The following RBM39 variants were observed in gnomAD, a reference collection of about 807,000 sequenced individuals.
The protein encoded by RBM39 is RNA binding motif protein 39, also known as RNA-binding protein 39.
Under a neutral mutation model 79.6 loss-of-function variants are expected in RBM39, and 12 were observed. The ratio of observed to expected loss-of-function variants is 0.15; its 90% CI spans 0.10 to 0.24. The LOEUF (loss-of-function observed/expected upper bound fraction) is 0.24, where lower values mean the gene tolerates loss of function less well. Ranked by LOEUF, RBM39 falls within the 10% of genes least tolerant of loss-of-function variation. The probability of loss-of-function intolerance (pLI) is 1.00; values close to 1 mark genes in which losing one functional copy is unlikely to be tolerated. For missense variants in RBM39, 243 were observed against 653.4 expected (o/e 0.37, Z 6.85); for synonymous variants, 185 against 208.4 (o/e 0.89, Z 0.97).
Position 35,707,095 on chromosome 20 carries a change from A to G in RBM39, c.1307+25T>C, listed in dbSNP as rs765668491. The G allele has an allele frequency of 1.0e-5, 14 of 1,395,310 alleles. No homozygotes were observed. The Admixed American group carries it at 2.9e-4, about 29-fold the overall frequency. The allele number at this position is 1,395,310 out of a possible 1,614,324, so 86.4% of individuals were successfully genotyped here. ...CTCTATTGACGCCTTGATAGGAAAT[A>G]TCAAGAATAAAGTCCATTACTTACG... On this transcript the variant is annotated intron_variant, in intron 14 of 16. Coordinates refer to ENST00000253363, the MANE Select transcript of RBM39 (RefSeq NM_184234.3).
intron 6 of RBM39, among the ~76,000 whole-genome samples, chr20:35,725,709 T>C (rs1401560725): frequency 6.7e-6 from 1 of 150,204 alleles, no homozygotes; most frequent in African/African-American, 2.5e-5. Flanking sequence ...TCCCCCAGGC[T>C]TGGAGTGCAA....
chr20:35,705,643 C>CA (rs1167322987), intron 14 of RBM39, among the ~76,000 whole-genome samples: 1 of 151,380 alleles, frequency 6.6e-6, no homozygotes, highest in East Asian at 2.0e-4. Flanking sequence ...ACTGAAAATC[C>CA]AAAATTTAGC....
intron 9 of RBM39, among the ~76,000 whole-genome samples, chr20:35,719,671 C>T (rs2037651968): frequency 6.6e-6 from 1 of 152,042 alleles, no homozygotes. Flanking sequence ...GAGTGAAACT[C>T]CCATCTCAAA....
intron 13 of RBM39, chr20:35,707,981 T>C (rs1000144872): frequency 2.0e-5 from 9 of 444,594 alleles, no homozygotes; most frequent in South Asian, 6.6e-5. Context: ...CAAAACATAA[T>C]AACAAACAAA....
chr20:35,707,093 A>G, intron 14 of RBM39, 27 bp downstream of exon 14: 4 of 1,337,716 alleles, frequency 3.0e-6, no homozygotes, highest in South Asian at 1.4e-5. Flanking sequence ...TTGATAGGAA[A>G]TATCAAGAAT....
intron 3 of RBM39, among the ~76,000 whole-genome samples, chr20:35,733,973 A>G (rs6058311): frequency 0.1 from 15,948 of 152,308 alleles, 866 homozygotes; most frequent in South Asian, 0.14. Flanking sequence ...ATTGAAAGAC[A>G]TTTCAAAATC....
intron 3 of RBM39, among the ~76,000 whole-genome samples, chr20:35,737,767 T>A (rs915091712): frequency 7.2e-6 from 1 of 139,438 alleles, no homozygotes; most frequent in East Asian, 2.1e-4. Flanking sequence ...GAGAATAGCA[T>A]GAACCCAGGA....
At chr20:35,739,279 G>T in intron 2 of RBM39, 2 of 484,750 alleles carry the variant, frequency 4.1e-6, no homozygotes, top group Admixed American at 3.3e-5. Context: ...ATATAGTTTA[G>T]ATATTAAAAG....
At chr20:35,724,919 C>T (rs2038471417) in intron 7 of RBM39, 119 bp downstream of exon 7, 1 of 998,218 alleles carries the variant, frequency 1.0e-6, no homozygotes, top group Non-Finnish European at 1.5e-6. Context: ...CTACAAGAGG[C>T]AAAATGGAAA....
chr20:35,711,068 A>C (rs1449703900), intron 12 of RBM39, among the ~76,000 whole-genome samples: 1 of 152,230 alleles, frequency 6.6e-6, no homozygotes, highest in Non-Finnish European at 1.5e-5. Flanking sequence ...AACAGTGGAT[A>C]ATCTTCAGTT....
chr20:35,740,061 T>TA (rs1265451250), intron 2 of RBM39: 1 of 156,864 alleles, frequency 6.4e-6, no homozygotes, highest in African/African-American at 2.4e-5. Flanking sequence ...TCCTTTGTTT[T>TA]TAGTGTGAAA....
At chr20:35,713,293 C>A in intron 11 of RBM39, 197 bp from the exon 12 acceptor site, 1 of 465,908 alleles carries the variant, frequency 2.1e-6, no homozygotes, top group Non-Finnish European at 3.8e-6. Flanking sequence ...TCGAGACCAA[C>A]CTGGGCAACA....
chr20:35,707,649 A>C lies in RBM39; in HGVS notation c.1226-448T>G, dbSNP rs1009911481. 8 of 179,630 alleles carry C rather than the reference A, an allele frequency of 4.5e-5. 1 individual carries two copies. The highest frequency in any genetic ancestry group is 1.9e-4 in the African/African-American group (8 of 41,720). 11.1% of individuals were successfully genotyped at this position (179,630 alleles called of 1,614,324 possible). A position where few individuals can be genotyped will look rare whatever the true frequency, so the allele number is the denominator to read the frequency against. ...CCCACGAAGTTTTTTAAATCTACAA[A>C]TTATTAAAGAATTAAGACATATAAA... On this transcript the variant is annotated intron_variant, in intron 13 of 16. Transcript: ENST00000253363.
chr20:35,718,013 C>T (rs1167412586), intron 9 of RBM39, among the ~76,000 whole-genome samples: 1 of 152,068 alleles, frequency 6.6e-6, no homozygotes, highest in Non-Finnish European at 1.5e-5. Context: ...CACCCACCAC[C>T]ACGCCCAGCT....
At chr20:35,708,346 G>A (rs2035999493) in intron 13 of RBM39, among the ~76,000 whole-genome samples, 1 of 151,900 alleles carries the variant, frequency 6.6e-6, no homozygotes, top group Non-Finnish European at 1.5e-5. Flanking sequence ...AACTGAGGAA[G>A]ACTTGATTCT....
chr20:35,712,924 T>C, intron 12 of RBM39, 95 bp downstream of exon 12: 1 of 946,056 alleles, frequency 1.1e-6, no homozygotes, highest in South Asian at 1.7e-5. Context: ...CTTGATGAAT[T>C]GAATTCTCAG....
At chr20:35,724,530 C>T (rs1268861106) in intron 8 of RBM39, 40 bp downstream of exon 8, 2 of 1,601,606 alleles carry the variant, frequency 1.2e-6, no homozygotes, top group East Asian at 2.2e-5. Flanking sequence ...AGGCTTTCAA[C>T]ACCACCAATA....
intron 9 of RBM39, 31 bp from the exon 10 acceptor site, chr20:35,716,836 T>G: frequency 6.7e-7 from 1 of 1,489,010 alleles, no homozygotes. Context: ...TACTATAACT[T>G]AAAAGCAGAG....
At position 35,711,302 on chromosome 20, in the gene RBM39, T is replaced by TA. The variant is rs376964925; in HGVS notation, c.1174+1716dup. On this transcript the variant is annotated intron_variant, in intron 12 of 16. Coordinates refer to ENST00000253363, the MANE Select transcript of RBM39 (RefSeq NM_184234.3). ...CAATACAGGTAAACAGTTTTCTGGT[T>TA]AAAAAAAAACCTTTCAAACTGTAAT... 3.4e-3 allele frequency among the ~76,000 whole-genome samples: 517 copies of TA among 151,340 alleles called. 1 individual carries two copies. The highest frequency in any genetic ancestry group is 0.011 in the African/African-American group (437 of 41,272).
Sources: allele counts gnomAD v4.1 joint callset (sites outside exome capture counted in the v4.1 genomes callset), GRCh38; gene constraint gnomAD v4.1.1; transcripts MANE v1.5; gene names NCBI Gene and HGNC (gene_info 2026-07-23, HGNC 2026-07-21).